Variants in CNTN5 observed in about 807,000 individuals in gnomAD.
CNTN5 encodes the protein contactin-5.
Under a neutral mutation model 129.1 loss-of-function variants are expected in CNTN5, and 77 were observed. That is an observed-to-expected ratio of 0.60 (90% CI 0.50 to 0.72). The LOEUF (loss-of-function observed/expected upper bound fraction) is 0.72, where lower values mean the gene tolerates loss of function less well. Among genes scored for constraint, CNTN5 ranks in the 30% least tolerant of loss-of-function variants. The pLI, the probability that CNTN5 is intolerant of heterozygous loss-of-function variation, is 0.00. For missense variants in CNTN5, 1,478 were observed against 1,328.8 expected, an observed-to-expected ratio of 1.11 and a Z score of -1.75; for synonymous variants, 509 against 465.6, an observed-to-expected ratio of 1.09 and a Z score of -1.20.
At chr11:99,290,297 C>T (rs1344263386) in intron 1 of CNTN5, among the ~76,000 whole-genome samples, 2 of 151,884 alleles carry the variant, frequency 1.3e-5, no homozygotes, top group Non-Finnish European at 3.0e-5. Context: ...AATGCAAATA[C>T]TTGTGCTTGT....
chr11:99,468,747 T>G (rs113331078), intron 2 of CNTN5, among the ~76,000 whole-genome samples: 6,524 of 151,200 alleles, frequency 0.043, 164 homozygotes, highest in South Asian at 0.083. Context: ...TTTTTTTTTT[T>G]TTCTGAGAAG....
intron 3 of CNTN5, among the ~76,000 whole-genome samples, chr11:99,610,338 G>A (rs528505812): frequency 3.3e-5 from 5 of 152,232 alleles, no homozygotes; most frequent in African/African-American, 1.2e-4. Context: ...TCTATCTGGT[G>A]TTATTTCTCA....
At chr11:99,806,809 C>T (rs1240313845) in intron 3 of CNTN5, among the ~76,000 whole-genome samples, 2 of 105,030 alleles carry the variant, frequency 1.9e-5, no homozygotes, top group South Asian at 3.1e-4. Context: ...TCTTCCCCCA[C>T]CCCCTGCAAA....
At chr11:100,246,343 C>A (rs1949839252) in intron 16 of CNTN5, among the ~76,000 whole-genome samples, 1 of 151,974 alleles carries the variant, frequency 6.6e-6, no homozygotes. Context: ...TTTCTTAAAC[C>A]TTTTGCATGA....
At chr11:99,742,360 A>G (rs960518746) in intron 3 of CNTN5, among the ~76,000 whole-genome samples, 2 of 87,086 alleles carry the variant, frequency 2.3e-5, no homozygotes, top group African/African-American at 6.1e-5. Flanking sequence ...GTTACATCAG[A>G]TTGTACTTAA....
intron 2 of CNTN5, among the ~76,000 whole-genome samples, chr11:99,408,309 T>C (rs1487938524): frequency 6.8e-6 from 1 of 148,050 alleles, no homozygotes. Flanking sequence ...GCCTGGAACT[T>C]CCACCTCAGC....
intron 3 of CNTN5, among the ~76,000 whole-genome samples, chr11:99,613,636 A>C (rs745656028): frequency 6.6e-6 from 1 of 152,100 alleles, no homozygotes. Flanking sequence ...TTGAAATTTT[A>C]ATCTTTATTT....
intron 1 of CNTN5, among the ~76,000 whole-genome samples, chr11:99,203,713 T>C (rs1439557548): frequency 6.6e-6 from 1 of 152,040 alleles, no homozygotes; most frequent in Non-Finnish European, 1.5e-5. Flanking sequence ...TATCAAGTGA[T>C]AGGCCTCCCG....
chr11:100,108,376 A>G (rs889926259), intron 13 of CNTN5, among the ~76,000 whole-genome samples: 1 of 152,172 alleles, frequency 6.6e-6, no homozygotes, highest in Non-Finnish European at 1.5e-5. Flanking sequence ...AGCAGATGCA[A>G]TCATTGAGAT....
chr11:99,755,766 A>G (rs1028989132), intron 3 of CNTN5, among the ~76,000 whole-genome samples: 1 of 152,076 alleles, frequency 6.6e-6, no homozygotes, highest in East Asian at 1.9e-4. Context: ...AAGAAGTTTA[A>G]TAGATTACTT....
intron 3 of CNTN5, among the ~76,000 whole-genome samples, chr11:99,672,959 G>A (rs1953111167): frequency 6.6e-6 from 1 of 152,066 alleles, no homozygotes; most frequent in Non-Finnish European, 1.5e-5. Context: ...GTAGGAGAGG[G>A]CTCAGGGAGT....
intron 6 of CNTN5, among the ~76,000 whole-genome samples, chr11:99,854,331 A>G (rs1947966419): frequency 6.6e-6 from 1 of 152,210 alleles, no homozygotes; most frequent in South Asian, 2.1e-4. Context: ...ATTGCATGGA[A>G]GTTTGTAATT....
chr11:99,599,349 AT>A (rs1222935887), intron 3 of CNTN5, among the ~76,000 whole-genome samples: 2 of 151,984 alleles, frequency 1.3e-5, no homozygotes, highest in East Asian at 3.8e-4. Context: ...TTTCTGAGAG[AT>A]TTTTTTAACA....
At chr11:99,101,358 A>G (rs1397559142) in intron 1 of CNTN5, among the ~76,000 whole-genome samples, 1 of 152,188 alleles carries the variant, frequency 6.6e-6, no homozygotes, top group Admixed American at 6.5e-5. Context: ...CATATTTCAA[A>G]ACCAATCTTG....
At chr11:99,343,148 G>T (rs1050755948) in intron 2 of CNTN5, among the ~76,000 whole-genome samples, 18 of 152,284 alleles carry the variant, frequency 1.2e-4, no homozygotes, top group African/African-American at 4.3e-4. Context: ...CAGGTGGCTG[G>T]AAAGAGAGGA....
chr11:99,447,337 A>G (rs566974668), intron 2 of CNTN5, among the ~76,000 whole-genome samples: 9 of 152,300 alleles, frequency 5.9e-5, no homozygotes, highest in African/African-American at 1.9e-4. Context: ...TTTCATATTT[A>G]TTAAGCACTT....
intron 13 of CNTN5, among the ~76,000 whole-genome samples, chr11:100,120,752 T>C (rs1945990597): frequency 6.6e-6 from 1 of 151,994 alleles, no homozygotes; most frequent in Admixed American, 6.6e-5. Flanking sequence ...TGGTTGACTC[T>C]ATATTAATCA....
At chr11:99,392,617 C>T (rs751724913) in intron 2 of CNTN5, among the ~76,000 whole-genome samples, 3 of 151,784 alleles carry the variant, frequency 2.0e-5, no homozygotes, top group Non-Finnish European at 4.4e-5. Context: ...ATAAAACCTC[C>T]ACTGGTGACA....
At chr11:99,126,685 A>G (rs932291405) in intron 1 of CNTN5, among the ~76,000 whole-genome samples, 3 of 152,212 alleles carry the variant, frequency 2.0e-5, no homozygotes, top group Admixed American at 6.5e-5. Flanking sequence ...TGCATAAGCA[A>G]TGAAAACTAC....
Sources: gnomAD v4.1 joint callset for allele counts (sites outside exome capture counted in the v4.1 genomes callset) on GRCh38, gnomAD v4.1.1 for gene constraint, MANE v1.5 for transcripts, NCBI Gene and HGNC (gene_info 2026-07-23, HGNC 2026-07-21) for gene names.